NBEA: variants seen among roughly 807,000 people sequenced by gnomAD.
The protein encoded by NBEA is neurobeachin.
A neutral mutation model predicts 343.4 loss-of-function variants in NBEA; 44 were observed. The observed-to-expected ratio is 0.13, with a 90% CI of 0.10 to 0.16. The LOEUF (loss-of-function observed/expected upper bound fraction) is 0.16. NBEA is among the 10% of genes least tolerant of loss of function. The pLI is 1.00. For synonymous variants in NBEA, 1,175 were observed against 1,238.7 expected (o/e 0.95, Z 1.08); for missense variants, 2,555 against 3,631.3 (o/e 0.70, Z 7.62).
chr13:35,398,612 G>A (rs946780326), intron 38 of NBEA, among the ~76,000 whole-genome samples: 1 of 152,058 alleles, frequency 6.6e-6, no homozygotes, highest in African/African-American at 2.4e-5. Context: ...TTGTCAATGG[G>A]CAGTAATATT....
intron 35 of NBEA, among the ~76,000 whole-genome samples, chr13:35,298,539 A>G (rs1170722001): frequency 6.6e-6 from 1 of 151,892 alleles, no homozygotes; most frequent in African/African-American, 2.4e-5. Flanking sequence ...AAACTTTTTA[A>G]CAACTCAAAC....
intron 29 of NBEA, 22 bp from the exon 30 acceptor site, chr13:35,183,954 G>T (rs1202302476): frequency 6.3e-7 from 1 of 1,581,120 alleles, no homozygotes; most frequent in East Asian, 2.3e-5. Flanking sequence ...GCTCAAATTT[G>T]ATTCCATGAT....
chr13:35,532,337 A>G (rs2078303860), intron 41 of NBEA, among the ~76,000 whole-genome samples: 3 of 152,158 alleles, frequency 2.0e-5, no homozygotes, highest in Non-Finnish European at 4.4e-5. Context: ...AGATACATCA[A>G]TCCTTAATAG....
At chr13:35,120,089 G>T (rs2066712008) in intron 16 of NBEA, among the ~76,000 whole-genome samples, 1 of 152,104 alleles carries the variant, frequency 6.6e-6, no homozygotes, top group African/African-American at 2.4e-5. Flanking sequence ...GATAAATTTA[G>T]TGAATCAGTT....
At chr13:35,392,871 T>A (rs1249210166) in intron 38 of NBEA, among the ~76,000 whole-genome samples, 1 of 152,200 alleles carries the variant, frequency 6.6e-6, no homozygotes, top group African/African-American at 2.4e-5. Context: ...AAAACTCAGT[T>A]GAGTTAGCAG....
In NBEA at chr13:35,195,974, G is replaced by C; in HGVS notation, c.5038G>C (p.Glu1680Gln). Residue 1680 changes from glutamate (E) to glutamine (Q), a missense_variant, in exon 31 of 59, where the codon GAG becomes CAG. Transcript: ENST00000379939. The stretch of plus-strand genomic sequence containing the variant: ...CCATACAGATTCAGGAATTGGAGAG[G>C]AGCAAGTGGCTAGCATCCTGAATGG... ...IPHTDSGIGE[E>Q]QVASILNGAE... is the part of the protein sequence containing the mutation. 1 of 1,613,594 alleles carries C rather than the reference G, an allele frequency of 6.2e-7. No homozygotes were observed. Among genetic ancestry groups the C allele is most frequent in the Non-Finnish European group, 8.5e-7 (1 of 1,179,704 alleles).
chr13:34,954,087 C>T (rs2059423445), intron 1 of NBEA, among the ~76,000 whole-genome samples: 4 of 152,000 alleles, frequency 2.6e-5, no homozygotes, highest in Admixed American at 2.6e-4. Context: ...GGATCGCTGC[C>T]CTAAAGAATA....
intron 40 of NBEA, among the ~76,000 whole-genome samples, chr13:35,468,821 G>A (rs769027782): frequency 4.6e-4 from 70 of 152,146 alleles, no homozygotes; most frequent in African/African-American, 1.2e-3. Context: ...TTTTGTGGCC[G>A]TGCACAGCGG....
At chr13:35,505,348 G>A (rs1203129465) in intron 41 of NBEA, among the ~76,000 whole-genome samples, 1 of 152,136 alleles carries the variant, frequency 6.6e-6, no homozygotes, top group Non-Finnish European at 1.5e-5. Flanking sequence ...ACTAGCTCAC[G>A]ATGCTCCGCA....
rs35199364 is a variant in NBEA at position 35,359,509 on chromosome 13, C to CAA, written c.6179+7192_6179+7193dup. ...TCTAATTTTCTACTTGCTATTCTAC[C>CAA]AAAAAAATAGTTTAGTTATAACATA... is the stretch of plus-strand genomic sequence containing the variant. On this transcript the variant is annotated intron_variant, in intron 38 of 58. Transcript: ENST00000379939. 1.8e-3 allele frequency among the ~76,000 whole-genome samples: 276 copies of CAA among 151,600 alleles called. 1 individual carries two copies. Among genetic ancestry groups the CAA allele is most frequent in the African/African-American group, 5.5e-3 (229 of 41,266 alleles).
intron 36 of NBEA, among the ~76,000 whole-genome samples, chr13:35,320,272 C>T (rs2038045224): frequency 6.6e-6 from 1 of 152,148 alleles, no homozygotes; most frequent in Non-Finnish European, 1.5e-5. Flanking sequence ...CCTTCGGGAG[C>T]TCTTGCAAGG....
chr13:35,410,580 A>G (rs771720040), intron 38 of NBEA, among the ~76,000 whole-genome samples: 2 of 152,142 alleles, frequency 1.3e-5, no homozygotes, highest in East Asian at 3.9e-4. Context: ...GAATAAAGAC[A>G]TATAAACTTT....
chr13:35,601,761 C>CAAAAAAAAA (rs869213180), intron 47 of NBEA, among the ~76,000 whole-genome samples: 6 of 114,932 alleles, frequency 5.2e-5, no homozygotes, highest in African/African-American at 7.3e-5. Context: ...GACTCCATCG[C>CAAAAAAAAA]AAAAAAAAAA....
chr13:35,579,996 A>AT (rs1393304703), intron 45 of NBEA, among the ~76,000 whole-genome samples: 2 of 152,060 alleles, frequency 1.3e-5, no homozygotes, highest in Admixed American at 6.6e-5. Context: ...AGGAATGTGA[A>AT]TTTTTTTACA....
intron 36 of NBEA, among the ~76,000 whole-genome samples, chr13:35,324,474 CTTA>C (rs746333987): frequency 2.0e-5 from 3 of 152,100 alleles, no homozygotes; most frequent in Non-Finnish European, 2.9e-5. Context: ...TTAAGAAAAA[CTTA>C]TTGTTACTGT....
chr13:35,022,495 T>C (rs2061878401), intron 1 of NBEA, among the ~76,000 whole-genome samples: 1 of 152,140 alleles, frequency 6.6e-6, no homozygotes, highest in East Asian at 1.9e-4. Flanking sequence ...TGCCTTTGTT[T>C]CTTAGCTGGG....
chr13:35,091,458 A>T (rs1329457453), intron 10 of NBEA, among the ~76,000 whole-genome samples: 1 of 152,016 alleles, frequency 6.6e-6, no homozygotes, highest in Non-Finnish European at 1.5e-5. Flanking sequence ...ACAATAAGGT[A>T]AGAAAATGAA....
chr13:35,024,127 G>T (rs949063267), intron 1 of NBEA, among the ~76,000 whole-genome samples: 2 of 152,096 alleles, frequency 1.3e-5, no homozygotes, highest in African/African-American at 4.8e-5. Context: ...AATTTGCTTA[G>T]GATAATAGCC....
intron 41 of NBEA, among the ~76,000 whole-genome samples, chr13:35,533,105 C>T (rs984343495): frequency 2.0e-5 from 3 of 152,068 alleles, no homozygotes; most frequent in African/African-American, 7.2e-5. Flanking sequence ...TTTGTGCGCC[C>T]ACTAGCAATG....
Sources: gnomAD v4.1 joint callset for allele counts (sites outside exome capture counted in the v4.1 genomes callset) on GRCh38, gnomAD v4.1.1 for gene constraint, MANE v1.5 for transcripts, NCBI Gene and HGNC (gene_info 2026-07-23, HGNC 2026-07-21) for gene names.